DLK1: variants seen among roughly 807,000 people sequenced by gnomAD.
DLK1 encodes the protein delta like non-canonical Notch ligand 1.
Under a neutral mutation model 35.2 loss-of-function variants are expected in DLK1, and 9 were observed. The observed-to-expected ratio is 0.26, with a 90% CI of 0.15 to 0.45. DLK1 has a LOEUF of 0.45. Among genes scored for constraint, DLK1 ranks in the 20% least tolerant of loss-of-function variants. DLK1 has a pLI of 1.00. For missense variants in DLK1, 522 were observed against 528.5 expected (o/e 0.99, Z 0.12); for synonymous variants, 231 against 228.4 (o/e 1.01, Z -0.10).
chr14:100,732,303 C>A, intron 4 of DLK1, 120 bp downstream of exon 4: 1 of 1,459,240 alleles, frequency 6.9e-7, no homozygotes, highest in Non-Finnish European at 9.2e-7. Flanking sequence ...AGCGCTCATC[C>A]TGGCAGCCCC....
chr14:100,734,071 T>G lies in DLK1; in HGVS notation c.405-78T>G. On this transcript the variant is annotated intron_variant, in intron 4 of 4. Transcript: ENST00000341267. This position sits in a 1 kb window ranked among gnomAD's most constrained non-coding sequence, Gnocchi z 7.4. ...CCCCTTAGTCAGGCCAGGGACCTTC[T>G]GCCCTGAGCCCCGTGCCCTGCAGCG... is the stretch of plus-strand genomic sequence containing the variant. 1 of 1,501,966 alleles carries G rather than the reference T, an allele frequency of 6.7e-7. No individual in the cohort carries two copies. The highest frequency in any genetic ancestry group is 8.9e-7 in the Non-Finnish European group (1 of 1,127,794). The allele number at this position is 1,501,966 out of a possible 1,614,324, so 93.0% of individuals were successfully genotyped here.
chr14:100,732,115 A>C lies in DLK1; in HGVS notation c.336A>C (p.Glu112Asp). The change falls in exon 4 of 5, where the codon GAA (glutamate) becomes GAC (aspartate). Residue 112 changes from glutamate to aspartate, a missense_variant. Coordinates refer to ENST00000341267, the MANE Select transcript of DLK1 (RefSeq NM_003836.7). ...TGAGCCTGGACGATGGCCTCTATGA[A>C]TGCTCCTGTGCCCCCGGGTACTCGG... The part of the protein sequence containing the change: ...TCVSLDDGLY[E>D]CSCAPGYSGK... The C allele has an allele frequency of 6.2e-7, 1 of 1,614,018 alleles. No homozygotes were observed. Among genetic ancestry groups the C allele is most frequent in the Non-Finnish European group, 8.5e-7 (1 of 1,179,894 alleles).
intron 4 of DLK1, among the ~76,000 whole-genome samples, chr14:100,733,874 G>A (rs1239387941): frequency 6.6e-6 from 1 of 152,178 alleles, no homozygotes; most frequent in African/African-American, 2.4e-5. Context: ...GGTCGGGTGT[G>A]TCCCAGGTTA....
intron 2 of DLK1, chr14:100,728,694 C>T (rs1027192660): frequency 1.6e-6 from 1 of 640,830 alleles, no homozygotes; most frequent in African/African-American, 1.8e-5. Context: ...CACTGCAGGC[C>T]ACTGCGGCAA....
intron 4 of DLK1, among the ~76,000 whole-genome samples, chr14:100,732,399 A>G (rs1402033277): frequency 6.6e-6 from 1 of 152,228 alleles, no homozygotes. Flanking sequence ...GCGATTTCAT[A>G]TTCCCCTGAT....
Position 100,734,617 on chromosome 14 carries a change from G to C in DLK1, c.873G>C (p.Glu291Asp). Residue 291 changes from glutamate (E) to aspartate (D), a missense_variant, in exon 5 of 5, where the codon GAG (glutamate) becomes GAC (aspartate). Transcript: ENST00000341267. The surrounding 1 kb of genome is among the most constrained non-coding windows in gnomAD (Gnocchi z 7.4). ...EHRILKVSMK[E>D]LNKKTPLLTE... Reference sequence around the variant, plus strand: ...GCATCCTGAAGGTGTCCATGAAAGAGCTCAACAAGAAAACCCCTCTCCTCA... The same window carrying C: ...GCATCCTGAAGGTGTCCATGAAAGACCTCAACAAGAAAACCCCTCTCCTCA... 1 of 1,613,972 alleles carries C rather than the reference G, an allele frequency of 6.2e-7. No homozygotes were observed. The highest frequency in any genetic ancestry group is 8.5e-7 in the Non-Finnish European group (1 of 1,180,032).
chr14:100,735,730 G>A lies in DLK1; in HGVS notation c.*834G>A, dbSNP rs370771448. The stretch of plus-strand genomic sequence containing the variant: ...AGGTTTTGGCCTATCCTGGATGAAC[G>A]CTTGATGTTGAAATTTATCCTAACT... On this transcript the variant is annotated 3_prime_UTR_variant, in exon 5 of 5. Coordinates refer to ENST00000341267, the MANE Select transcript of DLK1 (RefSeq NM_003836.7). 6.6e-6 allele frequency: 1 copy of A among 152,198 alleles called. No homozygotes were observed. Among genetic ancestry groups the A allele is most frequent in the South Asian group, 2.1e-4 (1 of 4,830 alleles). The allele number at this position is 152,198 out of a possible 1,614,324, so 9.4% of individuals were successfully genotyped here.
At position 100,732,018 on chromosome 14, in the gene DLK1, C is replaced by G. The variant is rs776685645; in HGVS notation, c.263-24C>G. On this transcript the variant is annotated intron_variant, in intron 3 of 4. Coordinates refer to ENST00000341267, the MANE Select transcript of DLK1 (RefSeq NM_003836.7). ...TCGTGTATGGAGAGGAAGCTAAGTTCTCGTCTTCCCCGTCACCCCGCAGAT... is the reference window on the plus strand; with the variant it reads ...TCGTGTATGGAGAGGAAGCTAAGTTGTCGTCTTCCCCGTCACCCCGCAGAT... 1.9e-6 allele frequency: 3 copies of G among 1,599,402 alleles called. No homozygotes were observed. In the East Asian group the frequency reaches 6.8e-5, roughly 36 times the overall value.
chr14:100,729,083 G>C lies in DLK1; in HGVS notation c.262+17G>C. On this transcript the variant is annotated intron_variant, in intron 3 of 4. Transcript: ENST00000341267. ...GTGATAGAGGTTGGCACTCGCCTTT[G>C]TTCACCTCAGCTCTGCGTCCTTACC... 4.3e-6 allele frequency: 7 copies of C among 1,613,012 alleles called. No individual in the cohort carries two copies. The highest frequency in any genetic ancestry group is 5.1e-6 in the Non-Finnish European group (6 of 1,180,036).
chr14:100,728,277 A>T, intron 1 of DLK1, 119 bp from the exon 2 acceptor site: 1 of 1,041,470 alleles, frequency 9.6e-7, no homozygotes. Flanking sequence ...CCAGGCTGGT[A>T]GGACCCAAGA....
intron 3 of DLK1, among the ~76,000 whole-genome samples, chr14:100,731,760 G>A (rs1054805032): frequency 2.0e-5 from 3 of 152,136 alleles, no homozygotes; most frequent in Non-Finnish European, 4.4e-5. Context: ...CGGACATGTC[G>A]CTGGATATGG....
intron 3 of DLK1, among the ~76,000 whole-genome samples, chr14:100,729,747 G>A (rs558406631): frequency 2.6e-5 from 4 of 152,288 alleles, no homozygotes; most frequent in Admixed American, 1.3e-4. Flanking sequence ...TTCAGGCTGC[G>A]AAATGTTCGT....
In DLK1 at chr14:100,735,502, C is replaced by T. The variant is rs1249560236; in HGVS notation, c.*606C>T. On this transcript the variant is annotated 3_prime_UTR_variant, in exon 5 of 5. Coordinates refer to ENST00000341267, the MANE Select transcript of DLK1 (RefSeq NM_003836.7). Reference sequence around the variant, plus strand: ...CTCTGTGCCAGCCCTGCCACTAACTCGCTGTGTGATCCTTGGCGAGTCCCT... The same window carrying T: ...CTCTGTGCCAGCCCTGCCACTAACTTGCTGTGTGATCCTTGGCGAGTCCCT... The T allele has an allele frequency of 1.3e-5, 2 of 152,206 alleles. No homozygotes were observed. Among genetic ancestry groups the T allele is most frequent in the South Asian group, 2.1e-4 (1 of 4,826 alleles). The allele number at this position is 152,206 out of a possible 1,614,324, so 9.4% of individuals were successfully genotyped here.
intron 1 of DLK1, 50 bp downstream of exon 1, chr14:100,727,185 C>G: frequency 6.7e-7 from 1 of 1,494,260 alleles, no homozygotes; most frequent in Non-Finnish European, 8.9e-7. Flanking sequence ...AAGCCTGCGA[C>G]TCCCCGCCGG....
At chr14:100,728,629 G>T (rs2036467784) in intron 2 of DLK1, 170 bp downstream of exon 2, 7 of 253,368 alleles carry the variant, frequency 2.8e-5, no homozygotes, top group South Asian at 8.7e-5. Flanking sequence ...GGGGGCGGGG[G>T]GGGGGCAGCC....
Position 100,734,739 on chromosome 14 carries a change from C to A in DLK1, c.995C>A (p.Thr332Asn). The stretch of plus-strand genomic sequence containing the variant: ...ATCGTCTTCCTCAACAAGTGCGAGA[C>A]CTGGGTGTCCAACCTGCGCTACAAC... ...VGIVFLNKCETWVSNLRYNHM... is the reference protein window; with the variant it reads ...VGIVFLNKCENWVSNLRYNHM... The change falls in exon 5 of 5, where the codon ACC becomes AAC. Residue 332 changes from threonine to asparagine, a missense_variant. Transcript: ENST00000341267. The surrounding 1 kb of genome is among the most constrained non-coding windows in gnomAD (Gnocchi z 7.4). The A allele has an allele frequency of 6.2e-7, 1 of 1,614,084 alleles. No individual in the cohort carries two copies. Among genetic ancestry groups the A allele is most frequent in the Non-Finnish European group, 8.5e-7 (1 of 1,180,030 alleles).
chr14:100,731,638 C>A (rs1179945175), intron 3 of DLK1, among the ~76,000 whole-genome samples: 1 of 152,136 alleles, frequency 6.6e-6, no homozygotes, highest in Non-Finnish European at 1.5e-5. Context: ...CAGGACCCCT[C>A]CCCTAACAGG....
At chr14:100,730,702 A>G (rs548830472) in intron 3 of DLK1, among the ~76,000 whole-genome samples, 176 of 152,330 alleles carry the variant, frequency 1.2e-3, no homozygotes, top group Non-Finnish European at 1.1e-3. Context: ...GAGTGACAGG[A>G]GAGTCGGGTG....
At position 100,734,303 on chromosome 14, in the gene DLK1, G is replaced by A; in HGVS notation, c.559G>A (p.Asp187Asn). The change falls in exon 5 of 5, where the codon GAC becomes AAC. Residue 187 changes from aspartate (D) to asparagine (N), a missense_variant. Physicochemically the swap from Asp to Asn is conservative, Grantham distance 23. Coordinates refer to ENST00000341267, the MANE Select transcript of DLK1 (RefSeq NM_003836.7). The surrounding 1 kb of genome is among the most constrained non-coding windows in gnomAD (Gnocchi z 7.4). ...ATGCGAGAACGACGGCGTCTGCACT[G>A]ACATTGGGGGCGACTTCCGCTGCCG... Reference protein sequence around the residue: ...NPCENDGVCTDIGGDFRCRCP... With the variant: ...NPCENDGVCTNIGGDFRCRCP... 6.2e-7 allele frequency: 1 copy of A among 1,613,420 alleles called. No homozygotes were observed. Among genetic ancestry groups the A allele is most frequent in the Non-Finnish European group, 8.5e-7 (1 of 1,180,006 alleles).
Sources: gnomAD v4.1 joint callset for allele counts (sites outside exome capture counted in the v4.1 genomes callset) on GRCh38, gnomAD v4.1.1 for gene constraint, Gnocchi (gnomAD v3.1) non-coding constraint, MANE v1.5 for transcripts, NCBI Gene and HGNC (gene_info 2026-07-23, HGNC 2026-07-21) for gene names.